The following SMCHD1 variants were observed in gnomAD, a reference collection of about 807,000 sequenced individuals.
The protein encoded by SMCHD1 is structural maintenance of chromosomes flexible hinge domain-containing protein 1.
A neutral mutation model predicts 254.7 loss-of-function variants in SMCHD1; 78 were observed. The ratio of observed to expected loss-of-function variants is 0.31; its 90% CI spans 0.26 to 0.37. The LOEUF is 0.37. Among genes scored for constraint, SMCHD1 ranks in the 10% least tolerant of loss-of-function variants. The pLI, the probability that SMCHD1 is intolerant of heterozygous loss-of-function variation, is 1.00. For synonymous variants in SMCHD1, 766 were observed against 794.9 expected, an observed-to-expected ratio of 0.96 and a Z score of 0.61; for missense variants, 1,840 against 2,408.1, an observed-to-expected ratio of 0.76 and a Z score of 4.94.
intron 12 of SMCHD1, 118 bp downstream of exon 12, chr18:2,701,036 A>C: frequency 1.3e-6 from 1 of 771,492 alleles, no homozygotes; most frequent in Non-Finnish European, 1.9e-6. Context: ...ATGATGTATA[A>C]ATTTTTTTAT....
chr18:2,683,104 G>A (rs2073967595), intron 5 of SMCHD1, among the ~76,000 whole-genome samples: 1 of 152,088 alleles, frequency 6.6e-6, no homozygotes, highest in Non-Finnish European at 1.5e-5. Flanking sequence ...TTTTATCAGT[G>A]AGCTTCTCCT....
chr18:2,666,918 A>C lies in SMCHD1; in HGVS notation c.311A>C (p.Asn104Thr). The change falls in exon 3 of 48, where the codon AAT (asparagine) becomes ACT (threonine). Residue 104 changes from asparagine (N) to threonine (T), a missense_variant. Coordinates refer to ENST00000320876, the MANE Select transcript of SMCHD1 (RefSeq NM_015295.3). ...ACCTTATACCTGCTACAGTCGGTCAATCAGTTACTACTGACAGCTACGAAA... is the reference window on the plus strand; with the variant it reads ...ACCTTATACCTGCTACAGTCGGTCACTCAGTTACTACTGACAGCTACGAAA... The part of the protein sequence containing the change: ...GVTLYLLQSV[N>T]QLLLTATKER... 5.0e-6 allele frequency: 8 copies of C among 1,613,332 alleles called. No individual in the cohort carries two copies. The highest frequency in any genetic ancestry group is 6.8e-6 in the Non-Finnish European group (8 of 1,179,500).
At chr18:2,737,585 G>T (rs1426445197) in intron 25 of SMCHD1, among the ~76,000 whole-genome samples, 2 of 152,018 alleles carry the variant, frequency 1.3e-5, no homozygotes, top group Admixed American at 1.3e-4. Flanking sequence ...TGGGGTGCAT[G>T]CCTGTAATCT....
chr18:2,722,214 G>A (rs1430565986), intron 19 of SMCHD1, among the ~76,000 whole-genome samples: 1 of 152,152 alleles, frequency 6.6e-6, no homozygotes, highest in South Asian at 2.1e-4. Context: ...GAGGCAGGTA[G>A]ATAGCTGGAG....
chr18:2,785,148 T>C (rs531308951), intron 45 of SMCHD1, among the ~76,000 whole-genome samples: 185 of 152,116 alleles, frequency 1.2e-3, no homozygotes, highest in Non-Finnish European at 1.9e-3. Context: ...CCAATATAAT[T>C]GTCCCTGCAC....
At chr18:2,745,060 C>T (rs1386294205) in intron 29 of SMCHD1, among the ~76,000 whole-genome samples, 1 of 152,206 alleles carries the variant, frequency 6.6e-6, no homozygotes, top group Non-Finnish European at 1.5e-5. Flanking sequence ...CATGGTTGGT[C>T]TCAAACTCCT....
intron 34 of SMCHD1, chr18:2,752,985 T>C (rs2075604453): frequency 5.7e-6 from 1 of 175,974 alleles, no homozygotes. Context: ...AGGGTCAAAA[T>C]GCTCATTATA....
At position 2,728,501 on chromosome 18, in the gene SMCHD1, G is replaced by A. The variant is rs779974698; in HGVS notation, c.2818G>A (p.Val940Ile). The A allele has an allele frequency of 4.3e-6, 7 of 1,613,104 alleles. No homozygotes were observed. The highest frequency in any genetic ancestry group is 5.1e-6 in the Non-Finnish European group (6 of 1,179,506). Reference sequence around the variant, plus strand: ...AGTGAAACCTGATTCTGAAATTTTAGTTATAGAAAATGGAACAGCTTTCCC... The same window carrying A: ...AGTGAAACCTGATTCTGAAATTTTAATTATAGAAAATGGAACAGCTTTCCC... ...LKVKPDSEIL[V>I]IENGTAFPFQ... Residue 940 changes from valine to isoleucine, a missense_variant, in exon 23 of 48, where the codon GTT becomes ATT. Physicochemically the swap from Val to Ile is conservative, Grantham distance 29. Coordinates refer to ENST00000320876, the MANE Select transcript of SMCHD1 (RefSeq NM_015295.3).
chr18:2,700,921 A>T lies in SMCHD1; in HGVS notation c.1647+3A>T. ...TTACAAGGATTTTAAATGGACAGGT[A>T]TGATTTTTAAATATAAAGTTGTGAA... On this transcript the variant is annotated splice_donor_region_variant and intron_variant, in intron 12 of 47. Coordinates refer to ENST00000320876, the MANE Select transcript of SMCHD1 (RefSeq NM_015295.3). 1 of 1,557,460 alleles carries T rather than the reference A, an allele frequency of 6.4e-7. No homozygotes were observed. Among genetic ancestry groups the T allele is most frequent in the Non-Finnish European group, 8.7e-7 (1 of 1,147,510 alleles).
intron 37 of SMCHD1, among the ~76,000 whole-genome samples, chr18:2,766,707 A>G (rs1267913304): frequency 6.6e-6 from 1 of 152,200 alleles, no homozygotes; most frequent in Non-Finnish European, 1.5e-5. Flanking sequence ...ATTCAGATTC[A>G]CTGTATTATT....
chr18:2,712,030 A>G (rs190739873), intron 17 of SMCHD1, among the ~76,000 whole-genome samples: 56 of 152,308 alleles, frequency 3.7e-4, no homozygotes, highest in Middle Eastern at 6.8e-3. Flanking sequence ...CCAGATGCCC[A>G]GTCTTCCAGC....
chr18:2,707,611 G>A lies in SMCHD1; in HGVS notation c.2112G>A (p.Leu704=), dbSNP rs748843025. 1.6e-5 allele frequency: 25 copies of A among 1,609,132 alleles called. No homozygotes were observed. The highest frequency in any genetic ancestry group is 1.1e-4 in the African/African-American group (8 of 74,674). ...CTTGGCCTGAAGGAGATGAATTATTGCCTAATGAGGTTAGGCCTGCTGGAA... is the reference window on the plus strand; with the variant it reads ...CTTGGCCTGAAGGAGATGAATTATTACCTAATGAGGTTAGGCCTGCTGGAA... The part of the protein sequence containing the change: ...SVTWPEGDEL[L]PNEVRPAGTP... The change falls in exon 16 of 48, where the codon TTG becomes TTA. Residue 704 remains leucine (L), a synonymous_variant. Coordinates refer to ENST00000320876, the MANE Select transcript of SMCHD1 (RefSeq NM_015295.3).
chr18:2,737,124 A>T (rs780681010), intron 25 of SMCHD1, among the ~76,000 whole-genome samples: 8 of 152,238 alleles, frequency 5.3e-5, no homozygotes, highest in Non-Finnish European at 1.0e-4. Flanking sequence ...ATGCAGGAAC[A>T]GGAACCCAAA....
In SMCHD1 at chr18:2,725,000, G is replaced by A; in HGVS notation, c.2700+5G>A. ...GTAAACTCTTGTCAAGGCAAGGTAAGCATTATGTATAGATCCTATGATACT... is the reference window on the plus strand; with the variant it reads ...GTAAACTCTTGTCAAGGCAAGGTAAACATTATGTATAGATCCTATGATACT... On this transcript the variant is annotated splice_donor_5th_base_variant and intron_variant, in intron 21 of 47. Transcript: ENST00000320876. The A allele has an allele frequency of 1.3e-6, 2 of 1,528,072 alleles. No homozygotes were observed. Among genetic ancestry groups the A allele is most frequent in the Admixed American group, 1.8e-5 (1 of 55,644 alleles). The allele number at this position is 1,528,072 out of a possible 1,614,324, so 94.7% of individuals were successfully genotyped here.
At chr18:2,791,873 G>A (rs571091081) in intron 45 of SMCHD1, among the ~76,000 whole-genome samples, 3 of 152,278 alleles carry the variant, frequency 2.0e-5, no homozygotes, top group East Asian at 1.9e-4. Flanking sequence ...TCTCCCTTCA[G>A]TATCCAGCTT....
Position 2,750,340 on chromosome 18 carries a change from GTT to G in SMCHD1, c.4008-7_4008-6del, listed in dbSNP as rs763703181. The G allele has an allele frequency of 3.8e-6, 6 of 1,593,814 alleles. No homozygotes were observed. Among genetic ancestry groups the G allele is most frequent in the Non-Finnish European group, 5.1e-6 (6 of 1,172,384 alleles). Reference sequence around the variant, plus strand: ...GTAATTTGAACCCCTCTCCTCTTTTGTTTTGTTAGGGGAGAGCATACTCTTCA... The same window carrying G: ...GTAATTTGAACCCCTCTCCTCTTTTGTTGTTAGGGGAGAGCATACTCTTCA... On this transcript the variant is annotated splice_polypyrimidine_tract_variant and splice_region_variant and intron_variant, in intron 31 of 47. Transcript: ENST00000320876.
At chr18:2,755,889 T>A (rs772657676) in intron 34 of SMCHD1, among the ~76,000 whole-genome samples, 1 of 152,096 alleles carries the variant, frequency 6.6e-6, no homozygotes, top group Non-Finnish European at 1.5e-5. Flanking sequence ...TTTCTTATCA[T>A]ACCACAGCAT....
chr18:2,707,786 C>T, intron 16 of SMCHD1, 21 bp from the exon 17 acceptor site: 1 of 1,569,690 alleles, frequency 6.4e-7, no homozygotes, highest in African/African-American at 1.4e-5. Flanking sequence ...AATTAAGATA[C>T]TTTTAATTTT....
At chr18:2,743,440 G>C (rs1640206781) in intron 28 of SMCHD1, among the ~76,000 whole-genome samples, 1 of 152,144 alleles carries the variant, frequency 6.6e-6, no homozygotes, top group African/African-American at 2.4e-5. Context: ...GTTGCAAACA[G>C]AGGGAAAGAA....
Sources: gnomAD v4.1 joint callset for allele counts (sites outside exome capture counted in the v4.1 genomes callset) on GRCh38, gnomAD v4.1.1 for gene constraint, MANE v1.5 for transcripts, NCBI Gene and HGNC (gene_info 2026-07-23, HGNC 2026-07-21) for gene names.